Variants in NDUFV2 observed in about 807,000 individuals in gnomAD.
NDUFV2 encodes the protein NADH:ubiquinone oxidoreductase core subunit V2, also known as NADH dehydrogenase [ubiquinone] flavoprotein 2, mitochondrial.
A neutral mutation model predicts 31.6 loss-of-function variants in NDUFV2; 18 were observed. The observed-to-expected ratio is 0.57, with a 90% confidence interval of 0.39 to 0.84. The LOEUF (loss-of-function observed/expected upper bound fraction) is 0.84, where lower values mean the gene tolerates loss of function less well. Ranked by LOEUF, NDUFV2 falls within the 40% of genes least tolerant of loss-of-function variation. The pLI, the probability that NDUFV2 is intolerant of heterozygous loss-of-function variation, is 0.00. For synonymous variants in NDUFV2, 83 were observed against 99.8 expected (o/e 0.83, Z 1.01); for missense variants, 314 against 303.6 (o/e 1.03, Z -0.26).
intron 4 of NDUFV2, among the ~76,000 whole-genome samples, chr18:9,121,955 A>G (rs1451328940): frequency 6.6e-6 from 1 of 152,228 alleles, no homozygotes; most frequent in Non-Finnish European, 1.5e-5. Context: ...GTATGATAAT[A>G]TGTGTATACA....
Position 9,134,312 on chromosome 18 carries a change from AAT to A in NDUFV2, c.*35_*36del, listed in dbSNP as rs757657891. 19 of 1,460,474 alleles carry A rather than the reference AAT, an allele frequency of 1.3e-5. 2 individuals carry two copies. In the South Asian group the frequency reaches 2.2e-4, roughly 17 times the overall value. The allele number at this position is 1,460,474 out of a possible 1,614,324, so 90.5% of individuals were successfully genotyped here. On this transcript the variant is annotated 3_prime_UTR_variant, in exon 8 of 8. Coordinates refer to ENST00000318388, the MANE Select transcript of NDUFV2 (RefSeq NM_021074.5). ...TGAACTGTAAATATGTCACTAGAGAAATAAAATATGGACTTCCAATCTACGTA... is the reference window on the plus strand; with the variant it reads ...TGAACTGTAAATATGTCACTAGAGAAAAAATATGGACTTCCAATCTACGTA...
At chr18:9,103,474 C>T (rs1305619802) in intron 1 of NDUFV2, 1 of 228,454 alleles carries the variant, frequency 4.4e-6, no homozygotes, top group Middle Eastern at 1.4e-3. Context: ...TGAAACACTC[C>T]TTCACGTTAA....
intron 7 of NDUFV2, 55 bp from the exon 8 acceptor site, chr18:9,134,131 A>G: frequency 7.3e-7 from 1 of 1,376,402 alleles, no homozygotes; most frequent in Non-Finnish European, 1.0e-6. Context: ...TTACAATTTA[A>G]GTAAAAATTT....
At chr18:9,104,962 T>G in intron 1 of NDUFV2, 1 of 1,555,962 alleles carries the variant, frequency 6.4e-7, no homozygotes, top group South Asian at 1.2e-5. Flanking sequence ...GACAATTTGT[T>G]TCTACAAAAA....
chr18:9,119,309 C>T lies in NDUFV2; in HGVS notation c.121-17C>T, dbSNP rs1598345935. On this transcript the variant is annotated splice_polypyrimidine_tract_variant and intron_variant, in intron 2 of 7. Coordinates refer to ENST00000318388, the MANE Select transcript of NDUFV2 (RefSeq NM_021074.5). ...AGAGAATTTGGATAAGTCTGAAAAA[C>T]TGTTTTTGTTGTGTAGCACAGAGAT... 3.7e-6 allele frequency: 6 copies of T among 1,604,946 alleles called. No homozygotes were observed. The highest frequency in any genetic ancestry group is 5.1e-6 in the Non-Finnish European group (6 of 1,171,886).
chr18:9,104,005 T>C (rs372356711), intron 1 of NDUFV2: 12 of 688,148 alleles, frequency 1.7e-5, no homozygotes, highest in African/African-American at 1.4e-4. Context: ...GATAGTCTCA[T>C]GTAAGAGGAA....
At chr18:9,109,576 T>C (rs982342338) in intron 1 of NDUFV2, among the ~76,000 whole-genome samples, 5 of 152,266 alleles carry the variant, frequency 3.3e-5, no homozygotes, top group African/African-American at 7.2e-5. Flanking sequence ...CTTTAATTTT[T>C]GTCATTTTGA....
In NDUFV2 at chr18:9,119,405, A is replaced by AAG; in HGVS notation, c.183+17_183+18insAG. 6.3e-7 allele frequency: 1 copy of AAG among 1,599,516 alleles called. No homozygotes were observed. The highest frequency in any genetic ancestry group is 8.6e-7 in the Non-Finnish European group (1 of 1,166,954). ...AACTATAAGGTATGGCTAAATTAACATTATAATTAATTTACCAAATAGGTA... is the reference window on the plus strand; with the variant it reads ...AACTATAAGGTATGGCTAAATTAACAAGTTATAATTAATTTACCAAATAGGTA... On this transcript the variant is annotated intron_variant, in intron 3 of 7. Transcript: ENST00000318388.
intron 7 of NDUFV2, among the ~76,000 whole-genome samples, chr18:9,127,169 TGATA>T (rs1568195614): frequency 1.3e-5 from 2 of 152,234 alleles, no homozygotes; most frequent in Non-Finnish European, 2.9e-5. Flanking sequence ...AAGTTCATAC[TGATA>T]GAAGATTGAC....
At chr18:9,102,954 A>G in intron 1 of NDUFV2, 157 bp downstream of exon 1, 1 of 668,600 alleles carries the variant, frequency 1.5e-6, no homozygotes, top group Admixed American at 3.7e-5. Context: ...AGGCCGCTGC[A>G]GCCCCACCGT....
At chr18:9,132,990 A>G (rs1426128673) in intron 7 of NDUFV2, among the ~76,000 whole-genome samples, 2 of 152,202 alleles carry the variant, frequency 1.3e-5, no homozygotes, top group African/African-American at 4.8e-5. Context: ...GTATACAATG[A>G]CTGCTTTTTT....
chr18:9,120,936 A>G (rs2077930724), intron 4 of NDUFV2, among the ~76,000 whole-genome samples: 1 of 152,222 alleles, frequency 6.6e-6, no homozygotes, highest in Non-Finnish European at 1.5e-5. Flanking sequence ...ATAAAAATAA[A>G]TAAGAAACTG....
intron 1 of NDUFV2, chr18:9,104,035 T>TA (rs2077828600): frequency 2.0e-6 from 2 of 987,466 alleles, no homozygotes; most frequent in Non-Finnish European, 2.9e-6. Flanking sequence ...TGAGACAATG[T>TA]AAAAGTACAG....
chr18:9,126,833 G>C lies in NDUFV2; in HGVS notation c.582G>C (p.Glu194Asp), dbSNP rs2077995047. 1 of 1,612,422 alleles carries C rather than the reference G, an allele frequency of 6.2e-7. No homozygotes were observed. Among genetic ancestry groups the C allele is most frequent in the African/African-American group, 1.3e-5 (1 of 74,952 alleles). ...ACTATTGTTAATTTTTTTTCCAGGA[G>C]GATTTGACAGCTAAGGATATTGAAG... ...PMVQINDNYY[E>D]DLTAKDIEEI... Residue 194 changes from glutamate (E) to aspartate (D), a missense_variant and splice_region_variant, in exon 7 of 8, where the codon GAG becomes GAC. Physicochemically the swap from Glu to Asp is conservative, Grantham distance 45. Coordinates refer to ENST00000318388, the MANE Select transcript of NDUFV2 (RefSeq NM_021074.5).
chr18:9,107,092 A>G (rs561220661), intron 1 of NDUFV2, among the ~76,000 whole-genome samples: 1 of 152,176 alleles, frequency 6.6e-6, no homozygotes, highest in Non-Finnish European at 1.5e-5. Context: ...GGATGTGGTT[A>G]TCTTTGAGAG....
intron 7 of NDUFV2, among the ~76,000 whole-genome samples, chr18:9,131,693 A>C (rs974038791): frequency 3.9e-5 from 6 of 152,206 alleles, no homozygotes; most frequent in African/African-American, 7.2e-5. Flanking sequence ...AGTTTACAGA[A>C]AGGCCAAGTT....
chr18:9,124,757 A>C (rs953216331), intron 5 of NDUFV2, 117 bp from the exon 6 acceptor site: 5 of 1,136,862 alleles, frequency 4.4e-6, no homozygotes, highest in Non-Finnish European at 4.9e-6. Flanking sequence ...CTCTTTTTAA[A>C]AAACTTAATA....
At chr18:9,103,178 C>T (rs548805453) in intron 1 of NDUFV2, 4 of 400,230 alleles carry the variant, frequency 1.0e-5, no homozygotes, top group Non-Finnish European at 1.8e-5. Flanking sequence ...CTAGTGACCT[C>T]GATGCTTTTA....
At position 9,134,334 on chromosome 18, in the gene NDUFV2, T is replaced by C; in HGVS notation, c.*55T>C. The C allele has an allele frequency of 1.5e-6, 2 of 1,309,888 alleles. No homozygotes were observed. The highest frequency in any genetic ancestry group is 2.2e-6 in the Non-Finnish European group (2 of 907,248). The allele number at this position is 1,309,888 out of a possible 1,614,324, so 81.1% of individuals were successfully genotyped here. A position where few individuals can be genotyped will look rare whatever the true frequency, so the allele number is the denominator to read the frequency against. On this transcript the variant is annotated 3_prime_UTR_variant, in exon 8 of 8. Transcript: ENST00000318388. ...AGAAATAAAATATGGACTTCCAATC[T>C]ACGTAAACTTATTTGTTTATTCTGC...
Sources: gnomAD v4.1 joint callset for allele counts (sites outside exome capture counted in the v4.1 genomes callset) on GRCh38, gnomAD v4.1.1 for gene constraint, MANE v1.5 for transcripts, NCBI Gene and HGNC (gene_info 2026-07-23, HGNC 2026-07-21) for gene names.